Variants in FGF13 observed in about 807,000 individuals in gnomAD.
FGF13 encodes fibroblast growth factor homologous factor 2.
Under a neutral mutation model 19.5 loss-of-function variants are expected in FGF13, and 2 were observed. The ratio of observed to expected loss-of-function variants is 0.10; its 90% CI spans 0.04 to 0.32. The LOEUF (loss-of-function observed/expected upper bound fraction) is 0.32, where lower values mean the gene tolerates loss of function less well. Among genes scored for constraint, FGF13 ranks in the 10% least tolerant of loss-of-function variants. The pLI is 1.00. For synonymous variants in FGF13, 72 were observed against 76.9 expected (o/e 0.94, Z 0.33); for missense variants, 113 against 192.7 (o/e 0.59, Z 2.45).
At chrX:138,661,683 G>A (rs902868082) in intron 3 of FGF13, among the ~76,000 whole-genome samples, 3 of 111,883 alleles carry the variant, frequency 2.7e-5, no homozygotes, top group Non-Finnish European at 5.7e-5. Flanking sequence ...ATGAGAGAAG[G>A]AGAGTTGGTA....
chrX:138,619,485 G>C lies in FGF13; in HGVS notation c.*13365C>G, dbSNP rs770915608. 1 of 111,211 alleles carries C rather than the reference G, an allele frequency of 9.0e-6. No individual in the cohort carries two copies. Among genetic ancestry groups the C allele is most frequent in the African/African-American group, 3.3e-5 (1 of 30,553 alleles). 9.2% of individuals were successfully genotyped at this position (111,211 alleles called of 1,213,427 possible). On this transcript the variant is annotated 3_prime_UTR_variant, in exon 5 of 5. Transcript: ENST00000315930. ...CTGCACATGTACCCCAGAACTTCAA[G>C]TATAATATAAAAAGAAAGAAAGACA...
chrX:138,805,531 G>A (rs1020280361), intron 3 of FGF13, among the ~76,000 whole-genome samples: 4 of 110,999 alleles, frequency 3.6e-5, no homozygotes, highest in Non-Finnish European at 5.7e-5. Context: ...GTGAGAGTGG[G>A]GGAATATTTT....
intron 1 of FGF13, among the ~76,000 whole-genome samples, chrX:139,150,956 T>C (rs2083929878): frequency 9.0e-6 from 1 of 110,824 alleles, no homozygotes; most frequent in African/African-American, 3.3e-5. Flanking sequence ...TCATACTCTG[T>C]CCATATCCTT....
intron 1 of FGF13, among the ~76,000 whole-genome samples, chrX:139,022,634 A>T (rs192764410): frequency 1.8e-5 from 2 of 111,209 alleles, no homozygotes; most frequent in Non-Finnish European, 3.8e-5. Context: ...ATTCAACCAC[A>T]TTCGACCACC....
At position 139,158,292 on chromosome X, in the gene FGF13, C is replaced by T. The variant is rs1031559595; in HGVS notation, c.-113+45124G>A. Among the ~76,000 whole-genome samples, 18 of 110,291 alleles carry T rather than the reference C, an allele frequency of 1.6e-4. 1 individual carries two copies. The highest frequency in any genetic ancestry group is 6.0e-4 in the African/African-American group (18 of 30,116). On this transcript the variant is annotated intron_variant, in intron 1 of 2. Coordinates refer to the FGF13 transcript ENST00000421460. Reference sequence around the variant, plus strand: ...CACTCCCCTGGAAAGGGGGGTGCAGCCAGGGAGCCAAGTGGTCTAGCTCAG... The same window carrying T: ...CACTCCCCTGGAAAGGGGGGTGCAGTCAGGGAGCCAAGTGGTCTAGCTCAG...
chrX:138,740,497 A>C (rs772912093), upstream of FGF13, among the ~76,000 whole-genome samples: 11 of 112,089 alleles, frequency 9.8e-5, no homozygotes, highest in Admixed American at 6.6e-4. Context: ...TGTAACAGAC[A>C]ACAGCTGCAA....
At chrX:138,873,599 T>G (rs1254337942) in intron 1 of FGF13, among the ~76,000 whole-genome samples, 1 of 111,598 alleles carries the variant, frequency 9.0e-6, no homozygotes, top group Non-Finnish European at 1.9e-5. Flanking sequence ...TCCCTGTCTT[T>G]TCCAGTGGCC....
At chrX:138,638,324 C>T (rs7052771) in intron 3 of FGF13, among the ~76,000 whole-genome samples, 17,158 of 111,481 alleles carry the variant, frequency 0.15, 964 homozygotes, top group South Asian at 0.29. Flanking sequence ...TGTGCCTTTG[C>T]GCTTTACTGA....
At chrX:139,037,290 C>T (rs2092253730) in intron 1 of FGF13, among the ~76,000 whole-genome samples, 1 of 111,160 alleles carries the variant, frequency 9.0e-6, no homozygotes, top group Admixed American at 9.6e-5. Flanking sequence ...TCTCCATATA[C>T]TAAAGAAAAT....
upstream of FGF13, chrX:139,204,145 G>A (rs1251956845): frequency 8.5e-7 from 1 of 1,172,683 alleles, no homozygotes; most frequent in South Asian, 1.8e-5. Context: ...CTCAGAAGAC[G>A]GAAGTCCTCG....
At chrX:139,074,346 A>G (rs1345933295) in intron 1 of FGF13, among the ~76,000 whole-genome samples, 7 of 112,317 alleles carry the variant, frequency 6.2e-5, no homozygotes, top group African/African-American at 1.9e-4. Context: ...GTTAACACGT[A>G]TAAGGGAGGT....
chrX:139,021,583 A>G (rs1317896878), intron 1 of FGF13, among the ~76,000 whole-genome samples: 1 of 111,349 alleles, frequency 9.0e-6, no homozygotes, highest in Non-Finnish European at 1.9e-5. Flanking sequence ...CCCAGTAATT[A>G]GAGAATACAC....
At chrX:138,742,209 A>G (rs2090324117), upstream of FGF13, among the ~76,000 whole-genome samples, 1 of 112,246 alleles carries the variant, frequency 8.9e-6, no homozygotes, top group Non-Finnish European at 1.9e-5. Context: ...GTGAGTAGCT[A>G]GAGGGCAAGA....
chrX:138,856,041 ATATAG>A (rs747327528), downstream of FGF13, among the ~76,000 whole-genome samples: 58 of 110,616 alleles, frequency 5.2e-4, no homozygotes, highest in Non-Finnish European at 9.5e-4. Flanking sequence ...AATGTAGTAT[ATATAG>A]TAAAGTAATT....
At chrX:138,762,733 C>T (rs1033775559) in intron 3 of FGF13, among the ~76,000 whole-genome samples, 1 of 111,950 alleles carries the variant, frequency 8.9e-6, no homozygotes, top group Non-Finnish European at 1.9e-5. Flanking sequence ...AATAGTAGTA[C>T]TTACTTGATA....
chrX:138,745,556 T>C (rs969151269), intron 3 of FGF13, among the ~76,000 whole-genome samples: 1 of 112,203 alleles, frequency 8.9e-6, no homozygotes, highest in African/African-American at 3.2e-5. Flanking sequence ...ATAAATTAAA[T>C]ATTTAGATTT....
chrX:139,101,577 T>A (rs766632597), intron 1 of FGF13, among the ~76,000 whole-genome samples: 1 of 112,200 alleles, frequency 8.9e-6, no homozygotes, highest in African/African-American at 3.2e-5. Flanking sequence ...AAAATAAAAA[T>A]TTGAATTTGA....
intron 1 of FGF13, among the ~76,000 whole-genome samples, chrX:138,897,880 G>T (rs940430016): frequency 2.7e-5 from 3 of 111,073 alleles, no homozygotes; most frequent in African/African-American, 9.8e-5. Context: ...TGTGATAAAG[G>T]AACCCAAAAG....
At chrX:139,038,477 T>A (rs1353681837) in intron 1 of FGF13, among the ~76,000 whole-genome samples, 1 of 111,651 alleles carries the variant, frequency 9.0e-6, no homozygotes, top group Non-Finnish European at 1.9e-5. Context: ...CTCTAGTTTA[T>A]TTGATAATGT....
Sources: gnomAD v4.1 joint callset for allele counts (sites outside exome capture counted in the v4.1 genomes callset) on GRCh38, gnomAD v4.1.1 for gene constraint, MANE v1.5 for transcripts, NCBI Gene and HGNC (gene_info 2026-07-23, HGNC 2026-07-21) for gene names.